NOS2: variants seen among roughly 807,000 people sequenced by gnomAD.
NOS2 encodes the protein nitric oxide synthase 2.
Under a neutral mutation model 136.0 loss-of-function variants are expected in NOS2, and 96 were observed. The ratio of observed to expected loss-of-function variants is 0.71; its 90% CI spans 0.60 to 0.84. NOS2 has a LOEUF of 0.84. Among genes scored for constraint, NOS2 ranks in the 40% least tolerant of loss-of-function variants. The pLI, the probability that NOS2 is intolerant of heterozygous loss-of-function variation, is 0.00. For synonymous variants in NOS2, 539 were observed against 587.5 expected (o/e 0.92, Z 1.20); for missense variants, 1,237 against 1,496.9 (o/e 0.83, Z 2.87).
At chr17:27,793,990 C>A (rs1346065552) in intron 2 of NOS2, among the ~76,000 whole-genome samples, 1 of 152,164 alleles carries the variant, frequency 6.6e-6, no homozygotes, top group Non-Finnish European at 1.5e-5. Context: ...TTTGTTTATT[C>A]CCCATAAAAT....
chr17:27,777,713 C>T (rs1193666176), intron 11 of NOS2, among the ~76,000 whole-genome samples: 7 of 152,158 alleles, frequency 4.6e-5, no homozygotes, highest in African/African-American at 7.2e-5. Flanking sequence ...AAGGTCCCTG[C>T]CCCATGGAGC....
At chr17:27,765,113 G>A (rs1908254170) in intron 20 of NOS2, among the ~76,000 whole-genome samples, 1 of 152,278 alleles carries the variant, frequency 6.6e-6, no homozygotes, top group East Asian at 1.9e-4. Flanking sequence ...CGAGTGGCTG[G>A]GATTGGGATA....
At chr17:27,757,866 GC>G (rs536189996) in intron 26 of NOS2, among the ~76,000 whole-genome samples, 157 of 152,202 alleles carry the variant, frequency 1.0e-3, no homozygotes, top group African/African-American at 3.1e-3. Context: ...CTTCAAACAC[GC>G]CAGCTTAACT....
At chr17:27,785,175 A>G (rs1908982491) in intron 5 of NOS2, among the ~76,000 whole-genome samples, 1 of 152,062 alleles carries the variant, frequency 6.6e-6, no homozygotes, top group Admixed American at 6.6e-5. Context: ...AGCAAGGTAC[A>G]TCTCTTCTGT....
intron 9 of NOS2, among the ~76,000 whole-genome samples, chr17:27,780,361 C>G (rs1459465163): frequency 2.0e-5 from 3 of 152,178 alleles, no homozygotes; most frequent in African/African-American, 7.2e-5. Flanking sequence ...AGGGGCTGGG[C>G]CAGTAGGACT....
intron 11 of NOS2, among the ~76,000 whole-genome samples, chr17:27,777,150 A>G (rs530141402): frequency 6.6e-6 from 1 of 152,270 alleles, no homozygotes; most frequent in South Asian, 2.1e-4. Flanking sequence ...TGATCTGCCT[A>G]TGGGGTGACC....
chr17:27,758,099 T>C (rs971164192), intron 26 of NOS2, among the ~76,000 whole-genome samples: 5 of 152,208 alleles, frequency 3.3e-5, no homozygotes, highest in African/African-American at 9.7e-5. Flanking sequence ...CTTGTCTGGG[T>C]TTGTCAGCCC....
intron 4 of NOS2, 125 bp from the exon 5 acceptor site, chr17:27,787,951 C>T: frequency 1.0e-6 from 1 of 976,916 alleles, no homozygotes; most frequent in Non-Finnish European, 1.5e-6. Flanking sequence ...CTCTTCTCCA[C>T]CCCTGTGGCA....
chr17:27,776,364 T>C (rs977847790), intron 11 of NOS2, among the ~76,000 whole-genome samples: 32 of 152,116 alleles, frequency 2.1e-4, no homozygotes, highest in African/African-American at 6.3e-4. Context: ...GGGAGCCAGA[T>C]CAGTTCTAAG....
intron 26 of NOS2, among the ~76,000 whole-genome samples, chr17:27,758,281 C>T (rs747716326): frequency 5.5e-4 from 84 of 152,188 alleles, no homozygotes; most frequent in Non-Finnish European, 9.6e-4. Context: ...TAGGCTCTCA[C>T]ATTTACTGCT....
Position 27,780,628 on chromosome 17 carries a change from T to C in NOS2, c.1004+139A>G, listed in dbSNP as rs549542284. 113 of 1,091,660 alleles carry C rather than the reference T, an allele frequency of 1.0e-4. 1 individual carries two copies. In the African/African-American group the frequency reaches 1.6e-3, roughly 16 times the overall value. The allele number at this position is 1,091,660 out of a possible 1,614,324, so 67.6% of individuals were successfully genotyped here. On this transcript the variant is annotated intron_variant, in intron 9 of 26. Transcript: ENST00000313735. ...GAATGCAACAGTGACAAAAGAGTCC[T>C]TGAAGGCCAGCCCCCTGAGTGTCAC...
At position 27,783,044 on chromosome 17, in the gene NOS2, C is replaced by T. The variant is rs1908902823; in HGVS notation, c.530G>A (p.Gly177Glu). ...EAVTKEIETT[G>E]TYQLTGDELI... ...CTCATCTCCCGTCAGTTGGTAGGTT[C>T]CTGTTGTTTCTATCTCCTTTGTTAC... is the stretch of plus-strand genomic sequence containing the variant. Residue 177 changes from glycine to glutamate, a missense_variant, in exon 6 of 27, where the codon GGA becomes GAA. Physicochemically the swap from Gly to Glu is moderately conservative, Grantham distance 98 (BLOSUM62 -2). Around this residue, in one of 3 missense-constraint regions of NOS2, gnomAD observed 440 missense variants for 545.4 expected, o/e 0.81. Coordinates refer to ENST00000313735, the MANE Select transcript of NOS2 (RefSeq NM_000625.4). 1.2e-6 allele frequency: 2 copies of T among 1,614,076 alleles called. No homozygotes were observed. The highest frequency in any genetic ancestry group is 2.7e-5 in the African/African-American group (2 of 74,924).
At chr17:27,785,629 G>A (rs1481061010) in intron 5 of NOS2, among the ~76,000 whole-genome samples, 8 of 152,048 alleles carry the variant, frequency 5.3e-5, no homozygotes, top group Admixed American at 1.3e-4. Context: ...GAAGACTCAC[G>A]GTCCCTCCCA....
At chr17:27,800,120 C>T (rs1424170242) in intron 1 of NOS2, among the ~76,000 whole-genome samples, 1 of 152,160 alleles carries the variant, frequency 6.6e-6, no homozygotes, top group Non-Finnish European at 1.5e-5. Context: ...AAAGTTTTTC[C>T]TTGTCATGTA....
chr17:27,763,036 G>T, intron 21 of NOS2, 31 bp from the exon 22 acceptor site: 1 of 1,481,638 alleles, frequency 6.7e-7, no homozygotes. Context: ...CAGTGACTCA[G>T]GGCGCCTGTC....
intron 18 of NOS2, 127 bp downstream of exon 18, chr17:27,767,578 T>C: frequency 9.2e-7 from 1 of 1,091,940 alleles, no homozygotes; most frequent in South Asian, 1.6e-5. Flanking sequence ...GGCTCTTGCA[T>C]GCAGTGAGAG....
At chr17:27,780,057 AC>A (rs1908792932) in intron 9 of NOS2, among the ~76,000 whole-genome samples, 1 of 152,248 alleles carries the variant, frequency 6.6e-6, no homozygotes, top group Non-Finnish European at 1.5e-5. Flanking sequence ...AGAAATAAAA[AC>A]AAGATGATGT....
intron 23 of NOS2, 46 bp downstream of exon 23, chr17:27,761,098 C>G: frequency 6.7e-7 from 1 of 1,483,796 alleles, no homozygotes; most frequent in Non-Finnish European, 9.0e-7. Flanking sequence ...CCGGAACTCC[C>G]AGGGGTCGGC....
At chr17:27,759,212 C>T (rs1908030379) in intron 25 of NOS2, 137 bp from the exon 26 acceptor site, 1 of 582,058 alleles carries the variant, frequency 1.7e-6, no homozygotes, top group Non-Finnish European at 3.0e-6. Context: ...CAGGACCTTG[C>T]AAGGGGCCAG....
Sources: allele counts gnomAD v4.1 joint callset (sites outside exome capture counted in the v4.1 genomes callset), GRCh38; gene constraint gnomAD v4.1.1; regional missense constraint gnomAD v4.1.1; transcripts MANE v1.5; gene names NCBI Gene and HGNC (gene_info 2026-07-23, HGNC 2026-07-21).